TCF25: variants seen among roughly 807,000 people sequenced by gnomAD.
TCF25 encodes the protein ribosome quality control complex subunit TCF25.
In TCF25, 41 loss-of-function variants were observed where a neutral mutation model predicts 83.1. The observed-to-expected ratio is 0.49, with a 90% CI of 0.38 to 0.64. The LOEUF is 0.64. Ranked by LOEUF, TCF25 falls within the 30% of genes least tolerant of loss-of-function variation. TCF25 has a pLI of 0.00. For synonymous variants in TCF25, 458 were observed against 365.0 expected, an observed-to-expected ratio of 1.25 and a Z score of -2.90; for missense variants, 979 against 914.5, an observed-to-expected ratio of 1.07 and a Z score of -0.91.
At position 89,911,155 on chromosome 16, in the gene TCF25, C is replaced by T. The variant is rs1215918241; in HGVS notation, c.1948C>T (p.Arg650Cys). The T allele has an allele frequency of 3.1e-6, 5 of 1,612,126 alleles. No individual in the cohort carries two copies. The highest frequency in any genetic ancestry group is 4.2e-6 in the Non-Finnish European group (5 of 1,179,958). Reference sequence around the variant, plus strand: ...CCTGAACAGGCTGATGCTGGCTGTGCGCGACATGATGGCCAACTTCCACCT... The same window carrying T: ...CCTGAACAGGCTGATGCTGGCTGTGTGCGACATGATGGCCAACTTCCACCT... The part of the protein sequence containing the change: ...QGLNRLMLAV[R>C]DMMANFHLND... The change falls in exon 18 of 18, where the codon CGC (arginine) becomes TGC (cysteine). Residue 650 changes from arginine (R) to cysteine (C), a missense_variant. Transcript: ENST00000263346.
intron 3 of TCF25, 86 bp from the exon 4 acceptor site, chr16:89,885,762 T>C (rs1003966062): frequency 1.9e-5 from 21 of 1,127,448 alleles, no homozygotes; most frequent in Non-Finnish European, 2.4e-5. Context: ...GTAATAGGTC[T>C]CTTTTAAGAT....
In TCF25 at chr16:89,885,834, T is replaced by C. The variant is rs1236967209; in HGVS notation, c.430-14T>C. 1 of 1,595,652 alleles carries C rather than the reference T, an allele frequency of 6.3e-7. No individual in the cohort carries two copies. Among genetic ancestry groups the C allele is most frequent in the Admixed American group, 1.7e-5 (1 of 59,822 alleles). ...GTCAGTGTGGTGATTAAGAGGTTGT[T>C]TTGGGGCTTTTAGGAAAACGGACTA... On this transcript the variant is annotated splice_polypyrimidine_tract_variant and intron_variant, in intron 3 of 17. Coordinates refer to ENST00000263346, the MANE Select transcript of TCF25 (RefSeq NM_014972.3).
At chr16:89,877,081 A>G (rs1468535983) in intron 1 of TCF25, among the ~76,000 whole-genome samples, 2 of 151,682 alleles carry the variant, frequency 1.3e-5, no homozygotes, top group Non-Finnish European at 2.9e-5. Context: ...CAGCCCGGGC[A>G]ATACAGCGAG....
intron 16 of TCF25, among the ~76,000 whole-genome samples, 165 bp downstream of exon 16, chr16:89,907,487 G>GCTCCCGC (rs2044955371): frequency 8.9e-5 from 1 of 11,202 alleles, no homozygotes; most frequent in African/African-American, 2.9e-4. Context: ...CCACCTCCCA[G>GCTCCCGC]CTCCCACCTC....
rs1567684757 is a variant in TCF25 at position 89,873,873 on chromosome 16, C to T, written c.192+14C>T. 12 of 880,962 alleles carry T rather than the reference C, an allele frequency of 1.4e-5. No homozygotes were observed. The highest frequency in any genetic ancestry group is 1.7e-5 in the Non-Finnish European group (11 of 647,394). The allele number at this position is 880,962 out of a possible 1,614,324, so 54.6% of individuals were successfully genotyped here. A position where few individuals can be genotyped will look rare whatever the true frequency, so the allele number is the denominator to read the frequency against. ...CGCTTCGAGCTGGTGAGGAGCGCGG[C>T]GGCCCGGGTGGGGGTGGGGTGGCCC... On this transcript the variant is annotated intron_variant, in intron 1 of 17. Coordinates refer to ENST00000263346, the MANE Select transcript of TCF25 (RefSeq NM_014972.3).
chr16:89,899,487 T>C (rs1367905133), intron 11 of TCF25, among the ~76,000 whole-genome samples: 1 of 152,200 alleles, frequency 6.6e-6, no homozygotes, highest in African/African-American at 2.4e-5. Context: ...ATCCCAGCAC[T>C]TTGGGAGGCC....
intron 5 of TCF25, among the ~76,000 whole-genome samples, chr16:89,891,635 G>T (rs1215319488): frequency 1.3e-5 from 2 of 152,228 alleles, no homozygotes; most frequent in Non-Finnish European, 2.9e-5. Context: ...TGGGCAGGTG[G>T]GGCAGCATGG....
At chr16:89,887,099 T>C (rs1192005279) in intron 4 of TCF25, among the ~76,000 whole-genome samples, 2 of 152,018 alleles carry the variant, frequency 1.3e-5, no homozygotes, top group South Asian at 2.1e-4. Flanking sequence ...AGTGGTGTGA[T>C]CATAGCCCAC....
In TCF25 at chr16:89,895,065, G is replaced by A. The variant is rs775383032; in HGVS notation, c.856G>A (p.Val286Ile). The A allele has an allele frequency of 2.5e-6, 4 of 1,613,210 alleles. No individual in the cohort carries two copies. Among genetic ancestry groups the A allele is most frequent in the Admixed American group, 1.7e-5 (1 of 60,006 alleles). Residue 286 changes from valine to isoleucine, a missense_variant, in exon 8 of 18, where the codon GTT becomes ATT. Coordinates refer to ENST00000263346, the MANE Select transcript of TCF25 (RefSeq NM_014972.3). ...TCTGCTCCAGACGAGCCCTTACCAC[G>A]TTGACTCACTCCTGCAGCTCAGCGA... ...VVLLQTSPYH[V>I]DSLLQLSDAC...
Position 89,896,014 on chromosome 16 carries a change from G to T in TCF25, c.953G>T (p.Cys318Phe). Residue 318 changes from cysteine to phenylalanine, a missense_variant, in exon 9 of 18, where the codon TGT (cysteine) becomes TTT (phenylalanine). Cys to Phe is a radical substitution (Grantham distance 205). Transcript: ENST00000263346. ...GAGAGAGCGCTGTACAGCATGGAAT[G>T]TGCGTTCCACCCCCTGTTCAGTCTC... The part of the protein sequence containing the change: ...LVERALYSME[C>F]AFHPLFSLTS... 1 of 1,613,962 alleles carries T rather than the reference G, an allele frequency of 6.2e-7. No homozygotes were observed. The highest frequency in any genetic ancestry group is 8.5e-7 in the Non-Finnish European group (1 of 1,180,008).
chr16:89,909,071 G>A, intron 16 of TCF25: 1 of 1,289,538 alleles, frequency 7.8e-7, no homozygotes, highest in Non-Finnish European at 1.0e-6. Flanking sequence ...TTGCGTGTCG[G>A]CCTCTGTGGC....
chr16:89,885,531 G>T (rs1348939691), intron 3 of TCF25, among the ~76,000 whole-genome samples: 5 of 152,208 alleles, frequency 3.3e-5, no homozygotes, highest in African/African-American at 1.2e-4. Context: ...CAAGGGTGTA[G>T]CTTTGTTGCC....
intron 2 of TCF25, 27 bp from the exon 3 acceptor site, chr16:89,884,555 C>T (rs1172135819): frequency 6.2e-7 from 1 of 1,607,408 alleles, no homozygotes; most frequent in Admixed American, 1.7e-5. Flanking sequence ...TCTCATTCTA[C>T]TGATGAAAAT....
At position 89,879,212 on chromosome 16, in the gene TCF25, T is replaced by C. The variant is rs12929270; in HGVS notation, c.193-4139T>C. 6.7e-5 allele frequency among the ~76,000 whole-genome samples: 10 copies of C among 148,200 alleles called. No homozygotes were observed. The East Asian group carries it at 8.1e-4, about 12-fold the overall frequency. The stretch of plus-strand genomic sequence containing the variant: ...CACCCGTGCTGTCCGTGTACACAGA[T>C]GGGCTTCGGGGCCTGTCACACGTGT... On this transcript the variant is annotated intron_variant, in intron 1 of 17. Coordinates refer to ENST00000263346, the MANE Select transcript of TCF25 (RefSeq NM_014972.3).
Position 89,907,248 on chromosome 16 carries a change from G to A in TCF25, c.1725G>A (p.Val575=), listed in dbSNP as rs573281150. The A allele has an allele frequency of 6.2e-7, 1 of 1,612,654 alleles. No individual in the cohort carries two copies. Among genetic ancestry groups the A allele is most frequent in the East Asian group, 2.2e-5 (1 of 44,878 alleles). The part of the protein sequence containing the change: ...KEAVAALPPD[V]TTQSVMGFDP... The stretch of plus-strand genomic sequence containing the variant: ...TTTTATGTCCCTTTCTGAAGGACGT[G>A]ACCACGCAGTCTGTGATGGGGTTTG... Residue 575 remains valine, a synonymous_variant, in exon 16 of 18, where the codon GTG becomes GTA. Transcript: ENST00000263346.
intron 15 of TCF25, among the ~76,000 whole-genome samples, chr16:89,906,559 C>T (rs940735558): frequency 5.3e-5 from 8 of 152,180 alleles, no homozygotes; most frequent in Admixed American, 2.0e-4. Flanking sequence ...CTTGTGAGCG[C>T]GTGGTGCGGC....
At chr16:89,886,345 G>A (rs890048462) in intron 4 of TCF25, among the ~76,000 whole-genome samples, 1 of 151,862 alleles carries the variant, frequency 6.6e-6, no homozygotes, top group Non-Finnish European at 1.5e-5. Flanking sequence ...GGAGAATGGC[G>A]TGAACCCAAT....
chr16:89,879,353 G>T (rs2042436282), intron 1 of TCF25, among the ~76,000 whole-genome samples: 1 of 147,624 alleles, frequency 6.8e-6, no homozygotes, highest in African/African-American at 2.5e-5. Flanking sequence ...TCCTGGGCCT[G>T]TCACACGTGC....
chr16:89,893,060 C>G (rs1010386929), intron 6 of TCF25, among the ~76,000 whole-genome samples: 2 of 152,226 alleles, frequency 1.3e-5, no homozygotes, highest in African/African-American at 4.8e-5. Context: ...CCCTTCCTGG[C>G]AGGAACCCCT....
Sources: allele counts gnomAD v4.1 joint callset (sites outside exome capture counted in the v4.1 genomes callset), GRCh38; gene constraint gnomAD v4.1.1; transcripts MANE v1.5; gene names NCBI Gene and HGNC (gene_info 2026-07-23, HGNC 2026-07-21).